The following TENM3 variants were observed in gnomAD, a reference collection of about 807,000 sequenced individuals.
TENM3 encodes the protein teneurin-3.
Under a neutral mutation model 255.1 loss-of-function variants are expected in TENM3, and 63 were observed. The observed-to-expected ratio is 0.25, with a 90% CI of 0.20 to 0.30. The LOEUF is 0.30. TENM3 is among the 10% of genes least tolerant of loss of function. TENM3 has a pLI of 1.00. For missense variants in TENM3, 2,929 were observed against 3,461.1 expected, an observed-to-expected ratio of 0.85 and a Z score of 3.86; for synonymous variants, 1,306 against 1,322.3, an observed-to-expected ratio of 0.99 and a Z score of 0.27.
chr4:182,125,431 TC>T, the TENM3 span, among the ~76,000 whole-genome samples: 3 of 152,214 alleles, frequency 2.0e-5, no homozygotes, highest in African/African-American at 7.2e-5. Context: ...TTGGTAATAA[TC>T]CCAGTTTCAG....
chr4:182,589,888 C>T (rs569629779), intron 3 of TENM3, among the ~76,000 whole-genome samples: 5 of 152,088 alleles, frequency 3.3e-5, no homozygotes, highest in South Asian at 2.1e-4. Flanking sequence ...GCAGGAGAAT[C>T]GCTTGTACCC....
At chr4:182,259,242 T>G (rs1480974851) in intron 1 of TENM3, among the ~76,000 whole-genome samples, 1 of 152,196 alleles carries the variant, frequency 6.6e-6, no homozygotes, top group Non-Finnish European at 1.5e-5. Flanking sequence ...AGATAATTTA[T>G]GGAACACCTC....
chr4:182,685,062 T>C (rs1485128786), intron 11 of TENM3, among the ~76,000 whole-genome samples: 1 of 152,158 alleles, frequency 6.6e-6, no homozygotes, highest in Non-Finnish European at 1.5e-5. Flanking sequence ...GACTAACAAA[T>C]GTTTCCTATC....
intron 3 of TENM3, chr4:182,449,209 T>TGGTGGC (rs761947446): frequency 3.8e-5 from 2 of 52,018 alleles, no homozygotes; most frequent in Non-Finnish European, 8.0e-5. Context: ...GTGGCGGTGG[T>TGGTGGC]GGCGGCGGCG....
At chr4:182,181,426 G>A (rs960094878) in intron 1 of TENM3, among the ~76,000 whole-genome samples, 1 of 152,158 alleles carries the variant, frequency 6.6e-6, no homozygotes, top group Non-Finnish European at 1.5e-5. Context: ...CGGGAGCCGC[G>A]GAGCTCAGCT....
the TENM3 span, among the ~76,000 whole-genome samples, chr4:181,830,697 C>G: frequency 1.3e-5 from 2 of 152,244 alleles, no homozygotes; most frequent in Admixed American, 1.3e-4. Context: ...AATTGCCTTG[C>G]TGTGTGCCTG....
intron 6 of TENM3, among the ~76,000 whole-genome samples, chr4:182,667,521 T>A (rs372860891): frequency 1.3e-5 from 2 of 152,192 alleles, no homozygotes; most frequent in East Asian, 3.9e-4. Context: ...AAGTCTGACT[T>A]ATTTTTTCAG....
chr4:182,154,348 C>T (rs1166702732), intron 1 of TENM3, among the ~76,000 whole-genome samples: 1 of 152,106 alleles, frequency 6.6e-6, no homozygotes, highest in African/African-American at 2.4e-5. Flanking sequence ...AAGGATTATA[C>T]ATTCTCCCCT....
chr4:182,360,281 A>T (rs1331700162), intron 3 of TENM3, among the ~76,000 whole-genome samples: 1 of 125,772 alleles, frequency 8.0e-6, no homozygotes, highest in Non-Finnish European at 1.7e-5. Context: ...ATCCTTGTTG[A>T]CTTTCTGTCT....
chr4:182,628,547 G>A, intron 4 of TENM3, 104 bp from the exon 5 acceptor site: 2 of 692,474 alleles, frequency 2.9e-6, no homozygotes, highest in Non-Finnish European at 2.5e-6. Flanking sequence ...TTTTAAAAAA[G>A]AGAGAGAGAG....
chr4:182,163,124 A>G (rs1751466943), intron 1 of TENM3, among the ~76,000 whole-genome samples: 1 of 152,086 alleles, frequency 6.6e-6, no homozygotes, highest in Non-Finnish European at 1.5e-5. Context: ...TTCTTATTTC[A>G]GAGTTTCTGG....
At chr4:181,479,755 T>A in the TENM3 span, among the ~76,000 whole-genome samples, 1 of 152,166 alleles carries the variant, frequency 6.6e-6, no homozygotes, top group African/African-American at 2.4e-5. Context: ...TTTCTTTTTA[T>A]AAAAAGATTG....
In TENM3 at chr4:182,676,144, G is replaced by A. The variant is rs528225144; in HGVS notation, c.1326+2925G>A. ...AATCAACCTGAAATAATTAAAATTG[G>A]CCAGCCATTCAGAATAGTTGCTTGA... On this transcript the variant is annotated intron_variant, in intron 7 of 27. Transcript: ENST00000511685. Among the ~76,000 whole-genome samples the A allele has an allele frequency of 1.2e-4, 19 of 152,238 alleles. No individual in the cohort carries two copies. The South Asian group carries it at 3.1e-3, about 25-fold the overall frequency.
chr4:182,240,781 A>G (rs1016596081), upstream of TENM3, among the ~76,000 whole-genome samples: 5 of 152,126 alleles, frequency 3.3e-5, no homozygotes, highest in African/African-American at 1.2e-4. Context: ...GCAGGGAGAC[A>G]GTAAGGGCCT....
chr4:181,469,973 G>A, the TENM3 span, among the ~76,000 whole-genome samples: 1 of 151,444 alleles, frequency 6.6e-6, no homozygotes, highest in Non-Finnish European at 1.5e-5. Flanking sequence ...GTATCACTCC[G>A]GTCGACATGA....
the TENM3 span, among the ~76,000 whole-genome samples, chr4:181,589,090 G>T: frequency 1.3e-5 from 2 of 152,040 alleles, no homozygotes; most frequent in Admixed American, 1.3e-4. Flanking sequence ...AAAGGAGCTT[G>T]TGAAATTACC....
intron 3 of TENM3, among the ~76,000 whole-genome samples, chr4:182,429,768 C>T (rs1771489903): frequency 6.6e-6 from 1 of 152,162 alleles, no homozygotes; most frequent in African/African-American, 2.4e-5. Flanking sequence ...CATTTATTTA[C>T]TCAGTGCTTA....
chr4:182,358,561 T>C (rs1765727036), intron 3 of TENM3, among the ~76,000 whole-genome samples: 1 of 152,176 alleles, frequency 6.6e-6, no homozygotes, highest in African/African-American at 2.4e-5. Flanking sequence ...TTTTTGTAGA[T>C]TGATTTTGTA....
chr4:181,581,250 G>C, the TENM3 span, among the ~76,000 whole-genome samples: 1 of 152,112 alleles, frequency 6.6e-6, no homozygotes, highest in African/African-American at 2.4e-5. Context: ...AGACCAGCCC[G>C]GCCAACATGG....
Sources: gnomAD v4.1 joint callset for allele counts (sites outside exome capture counted in the v4.1 genomes callset) on GRCh38, gnomAD v4.1.1 for gene constraint, MANE v1.5 for transcripts, NCBI Gene and HGNC (gene_info 2026-07-23, HGNC 2026-07-21) for gene names.